The following JAK2 variants were observed in gnomAD, a reference collection of about 807,000 sequenced individuals.
The protein encoded by JAK2 is Janus kinase 2.
Under a neutral mutation model 139.3 loss-of-function variants are expected in JAK2, and 86 were observed. That is an observed-to-expected ratio of 0.62 (90% confidence interval 0.52 to 0.74). The LOEUF (loss-of-function observed/expected upper bound fraction) is 0.74, where lower values mean the gene tolerates loss of function less well. JAK2 is among the 30% of genes least tolerant of loss of function. The pLI, the probability that JAK2 is intolerant of heterozygous loss-of-function variation, is 0.00. For synonymous variants in JAK2, 490 were observed against 437.7 expected, an observed-to-expected ratio of 1.12 and a Z score of -1.49; for missense variants, 1,421 against 1,360.3, an observed-to-expected ratio of 1.04 and a Z score of -0.70.
chr9:5,092,735 C>T (rs1820682757), intron 22 of JAK2, among the ~76,000 whole-genome samples: 1 of 152,186 alleles, frequency 6.6e-6, no homozygotes, highest in South Asian at 2.1e-4. Flanking sequence ...AAAGAGCGTA[C>T]TCACCTACGT....
Position 5,066,564 on chromosome 9 carries a change from A to G in JAK2, c.1215-114A>G. ...AAGATTATTGCTAAACATATAAAGTAGAGGAGACAATTCTGACAGTTTTAG... is the reference window on the plus strand; with the variant it reads ...AAGATTATTGCTAAACATATAAAGTGGAGGAGACAATTCTGACAGTTTTAG... On this transcript the variant is annotated intron_variant, in intron 9 of 24. Transcript: ENST00000381652. 3 of 652,464 alleles carry G rather than the reference A, an allele frequency of 4.6e-6. No homozygotes were observed. The Admixed American group carries it at 7.3e-5, about 16-fold the overall frequency. 40.4% of individuals were successfully genotyped at this position (652,464 alleles called of 1,614,324 possible). A position where few individuals can be genotyped will look rare whatever the true frequency, so the allele number is the denominator to read the frequency against.
intron 4 of JAK2, among the ~76,000 whole-genome samples, chr9:5,036,614 G>T (rs1373454650): frequency 1.3e-5 from 2 of 152,118 alleles, no homozygotes; most frequent in African/African-American, 2.4e-5. Flanking sequence ...AATGGGGAAA[G>T]GATTCCCTAT....
intron 19 of JAK2, among the ~76,000 whole-genome samples, chr9:5,087,825 A>G (rs560975478): frequency 6.6e-6 from 1 of 152,324 alleles, no homozygotes; most frequent in Non-Finnish European, 1.5e-5. Flanking sequence ...GATGTACACA[A>G]ATATTTATTT....
chr9:5,001,335 C>A (rs1017244734), intron 2 of JAK2, among the ~76,000 whole-genome samples: 1 of 152,026 alleles, frequency 6.6e-6, no homozygotes, highest in African/African-American at 2.4e-5. Context: ...TGTAGATGAT[C>A]TTTATTTTAT....
chr9:4,999,426 C>A (rs1487011233), intron 2 of JAK2, among the ~76,000 whole-genome samples: 1 of 152,062 alleles, frequency 6.6e-6, no homozygotes, highest in Non-Finnish European at 1.5e-5. Context: ...TAAAAACAGT[C>A]ATTTAAAAAT....
chr9:5,030,289 A>G (rs1823061317), intron 4 of JAK2, among the ~76,000 whole-genome samples: 1 of 152,212 alleles, frequency 6.6e-6, no homozygotes, highest in Admixed American at 6.5e-5. Flanking sequence ...CTTTTTAAAA[A>G]GTTGACGTGA....
Position 5,074,614 on chromosome 9 carries a change from C to T in JAK2, c.1864+829C>T, listed in dbSNP as rs185318744. On this transcript the variant is annotated intron_variant, in intron 14 of 24. Transcript: ENST00000381652. ...CTGACTGCTCCATCAATGAGCCATT[C>T]CTCTGTCTCTCTCCCTCTCCTGGGG... 1.1e-4 allele frequency among the ~76,000 whole-genome samples: 16 copies of T among 152,312 alleles called. No homozygotes were observed. In the East Asian group the frequency reaches 1.9e-3, roughly 18 times the overall value.
intron 22 of JAK2, among the ~76,000 whole-genome samples, chr9:5,102,611 T>A (rs1414640984): frequency 6.6e-6 from 1 of 151,846 alleles, no homozygotes; most frequent in Non-Finnish European, 1.5e-5. Flanking sequence ...AAGGTTGAAA[T>A]GAAGGAAAAA....
Position 5,127,809 on chromosome 9 carries a change from C to G in JAK2, c.*1018C>G. 4.3e-6 allele frequency: 1 copy of G among 232,452 alleles called. No homozygotes were observed. 14.4% of individuals were successfully genotyped at this position (232,452 alleles called of 1,614,324 possible). ...CAGGTTAAGAATTTTTTCCTAAAGA[C>G]TGTATATTTGAGGGGTTTCAGAATT... On this transcript the variant is annotated 3_prime_UTR_variant, in exon 25 of 25. Transcript: ENST00000381652.
At chr9:5,036,759 C>G (rs2130236941) in intron 4 of JAK2, among the ~76,000 whole-genome samples, 2 of 152,246 alleles carry the variant, frequency 1.3e-5, no homozygotes, top group Non-Finnish European at 2.9e-5. Flanking sequence ...CATAAAAACC[C>G]TAGAAGAAAA....
chr9:5,016,264 G>A (rs113688977), intron 2 of JAK2, among the ~76,000 whole-genome samples: 83 of 152,222 alleles, frequency 5.5e-4, no homozygotes, highest in African/African-American at 1.9e-3. Flanking sequence ...GATCTGCATC[G>A]TATCAGATAC....
chr9:5,005,477 T>G (rs1466218547), intron 2 of JAK2, among the ~76,000 whole-genome samples: 2 of 152,172 alleles, frequency 1.3e-5, no homozygotes, highest in African/African-American at 4.8e-5. Flanking sequence ...TAATGATTGA[T>G]TTCTAAATGT....
chr9:5,119,173 G>A (rs1823429440), intron 22 of JAK2, among the ~76,000 whole-genome samples: 1 of 152,082 alleles, frequency 6.6e-6, no homozygotes, highest in Non-Finnish European at 1.5e-5. Context: ...ATTTGGTAAT[G>A]CCAGGCATCA....
intron 22 of JAK2, among the ~76,000 whole-genome samples, chr9:5,095,882 G>A (rs987025486): frequency 5.9e-5 from 9 of 152,030 alleles, no homozygotes; most frequent in African/African-American, 9.7e-5. Flanking sequence ...CTAGCACTTA[G>A]CCTAAGTATA....
intron 22 of JAK2, among the ~76,000 whole-genome samples, chr9:5,104,903 G>A (rs1175899744): frequency 6.6e-6 from 1 of 152,146 alleles, no homozygotes; most frequent in Admixed American, 6.5e-5. Context: ...TTGATGGAAT[G>A]TATCTCAAAA....
intron 4 of JAK2, 110 bp from the exon 5 acceptor site, chr9:5,044,293 T>C (rs1483854475): frequency 1.4e-6 from 1 of 699,002 alleles, no homozygotes; most frequent in Non-Finnish European, 2.5e-6. Flanking sequence ...TAGCTGTGTT[T>C]TCTAAGTATG....
intron 2 of JAK2, among the ~76,000 whole-genome samples, chr9:5,015,050 A>T (rs1448637300): frequency 6.6e-6 from 1 of 152,120 alleles, no homozygotes; most frequent in Non-Finnish European, 1.5e-5. Flanking sequence ...AGTTTTCTAT[A>T]ATTTACTGCT....
intron 22 of JAK2, chr9:5,114,156 AAGAAGTGTGC>A (rs1257140628): frequency 7.2e-6 from 3 of 417,718 alleles, no homozygotes; most frequent in African/African-American, 6.1e-5. Context: ...GGACAGTGCC[AAGAAGTGTGC>A]AGATTCTAAC....
chr9:4,988,071 G>A (rs145837327), intron 2 of JAK2, among the ~76,000 whole-genome samples: 2,081 of 152,288 alleles, frequency 0.014, 32 homozygotes, highest in Non-Finnish European at 0.022. Flanking sequence ...CCCCCATTGT[G>A]TTGCCCCTAC....
Sources: allele counts gnomAD v4.1 joint callset (sites outside exome capture counted in the v4.1 genomes callset), GRCh38; gene constraint gnomAD v4.1.1; transcripts MANE v1.5; gene names NCBI Gene and HGNC (gene_info 2026-07-23, HGNC 2026-07-21).